MOSMO: variants seen among roughly 807,000 people sequenced by gnomAD.
MOSMO encodes modulator of smoothened protein.
A neutral mutation model predicts 18.4 loss-of-function variants in MOSMO; 5 were observed. The ratio of observed to expected loss-of-function variants is 0.27; its 90% CI spans 0.14 to 0.57. The LOEUF (loss-of-function observed/expected upper bound fraction) is 0.57. Among genes scored for constraint, MOSMO ranks in the 20% least tolerant of loss-of-function variants. MOSMO has a pLI of 0.92. For missense variants in MOSMO, 138 were observed against 211.8 expected (o/e 0.65, Z 2.16); for synonymous variants, 82 against 82.3 (o/e 1.00, Z 0.02).
intron 1 of MOSMO, among the ~76,000 whole-genome samples, chr16:22,049,094 T>C (rs1384713119): frequency 2.6e-5 from 4 of 152,254 alleles, no homozygotes; most frequent in Admixed American, 2.6e-4. Context: ...TATAGAAATT[T>C]ATGTTTTTAC....
intron 1 of MOSMO, among the ~76,000 whole-genome samples, chr16:22,032,303 C>T (rs1900011945): frequency 6.6e-6 from 1 of 150,668 alleles, no homozygotes; most frequent in Non-Finnish European, 1.5e-5. Context: ...GATTCTTGTG[C>T]TTTAAGCCTC....
At chr16:22,090,796 A>G (rs1901294404), downstream of MOSMO, among the ~76,000 whole-genome samples, 1 of 152,150 alleles carries the variant, frequency 6.6e-6, no homozygotes, top group Non-Finnish European at 1.5e-5. Context: ...GCCAAGAAAG[A>G]TGGTACCCAC....
chr16:22,080,640 G>C, intron 2 of MOSMO, 56 bp from the exon 3 acceptor site: 1 of 1,214,094 alleles, frequency 8.2e-7, no homozygotes, highest in African/African-American at 1.7e-5. Context: ...AATTTTCATT[G>C]TTTTTTGAAA....
At chr16:22,064,318 ACT>A (rs1464891676) in intron 1 of MOSMO, 1 of 456,262 alleles carries the variant, frequency 2.2e-6, no homozygotes, top group East Asian at 6.9e-5. Context: ...ACCAAATTTA[ACT>A]TTCATTCTCT....
chr16:22,025,660 G>T (rs1484685569), intron 1 of MOSMO, among the ~76,000 whole-genome samples: 4 of 152,182 alleles, frequency 2.6e-5, no homozygotes, highest in Non-Finnish European at 5.9e-5. Context: ...CTCTCTTAAT[G>T]ATGGGATATA....
intron 1 of MOSMO, among the ~76,000 whole-genome samples, chr16:22,059,900 G>A (rs532937308): frequency 6.6e-6 from 1 of 152,316 alleles, no homozygotes; most frequent in Non-Finnish European, 1.5e-5. Context: ...AAATTGGCCA[G>A]GTATGGTGGC....
intron 1 of MOSMO, among the ~76,000 whole-genome samples, chr16:22,049,940 C>T (rs931593929): frequency 5.3e-5 from 8 of 152,144 alleles, no homozygotes; most frequent in Non-Finnish European, 1.5e-5. Flanking sequence ...GTATCTATTC[C>T]TGCACCATTA....
At chr16:22,072,678 C>T (rs1900880163) in intron 1 of MOSMO, among the ~76,000 whole-genome samples, 1 of 151,928 alleles carries the variant, frequency 6.6e-6, no homozygotes, top group Non-Finnish European at 1.5e-5. Context: ...CGGGCGTAGT[C>T]GTGGGCGCCT....
rs557246895 is a variant in MOSMO at position 22,032,655 on chromosome 16, T to C, written c.106+24248T>C. Among the ~76,000 whole-genome samples the C allele has an allele frequency of 1.4e-4, 21 of 152,302 alleles. No homozygotes were observed. In the South Asian group the frequency reaches 4.1e-3, roughly 30 times the overall value. On this transcript the variant is annotated intron_variant, in intron 1 of 2. Coordinates refer to ENST00000542527, the MANE Select transcript of MOSMO (RefSeq NM_001164579.2). ...TCGAATTCCTGGGCTCAAGGTATCC[T>C]GCTACCTCAGCCTCCCAAGTAGCTG...
rs1465139954 is a variant in MOSMO at position 22,080,926 on chromosome 16, A to AT, written c.*53dup. On this transcript the variant is annotated 3_prime_UTR_variant, in exon 3 of 3. Coordinates refer to ENST00000542527, the MANE Select transcript of MOSMO (RefSeq NM_001164579.2). ...CTCTTATTATTTTTTATTTTATTTT[A>AT]TTTTTTTATTTTTGGAGGGTGGAGA... 14 of 995,314 alleles carry AT rather than the reference A, an allele frequency of 1.4e-5. No individual in the cohort carries two copies. In the Admixed American group the frequency reaches 2.4e-4, roughly 17 times the overall value. The allele number at this position is 995,314 out of a possible 1,614,324, so 61.7% of individuals were successfully genotyped here.
At chr16:22,019,576 G>A (rs1447593767) in intron 1 of MOSMO, among the ~76,000 whole-genome samples, 1 of 152,060 alleles carries the variant, frequency 6.6e-6, no homozygotes, top group Non-Finnish European at 1.5e-5. Flanking sequence ...TTGAGAGCAG[G>A]GAATATGATT....
chr16:22,067,292 G>A (rs1031457228), intron 1 of MOSMO, among the ~76,000 whole-genome samples: 6 of 151,554 alleles, frequency 4.0e-5, no homozygotes, highest in East Asian at 1.9e-4. Flanking sequence ...AAAAAGGAGC[G>A]GAAAGAATGT....
chr16:22,043,948 A>T (rs1900258169), intron 1 of MOSMO, among the ~76,000 whole-genome samples: 1 of 152,230 alleles, frequency 6.6e-6, no homozygotes, highest in South Asian at 2.1e-4. Flanking sequence ...GAGGCCTCAC[A>T]ATCATGGCAG....
intron 1 of MOSMO, among the ~76,000 whole-genome samples, chr16:22,056,372 T>C (rs1476842044): frequency 1.5e-5 from 2 of 132,734 alleles, no homozygotes; most frequent in African/African-American, 5.6e-5. Flanking sequence ...TTTCTTTTTT[T>C]TTTTTTTTTT....
intron 1 of MOSMO, among the ~76,000 whole-genome samples, chr16:22,012,739 G>GAA (rs5816166): frequency 1.6e-4 from 11 of 67,142 alleles, no homozygotes; most frequent in East Asian, 4.3e-4. Context: ...AGAAGGAATA[G>GAA]AAAAAAAAAA....
chr16:22,009,702 T>C (rs1257220472), intron 1 of MOSMO, among the ~76,000 whole-genome samples: 1 of 145,720 alleles, frequency 6.9e-6, no homozygotes, highest in Non-Finnish European at 1.5e-5. Flanking sequence ...GGCTCACGCC[T>C]GTAATCCCAG....
At chr16:22,020,863 T>C (rs144370922) in intron 1 of MOSMO, among the ~76,000 whole-genome samples, 83 of 152,388 alleles carry the variant, frequency 5.4e-4, no homozygotes, top group East Asian at 9.6e-4. Flanking sequence ...CTATGTGATA[T>C]AGTTGTTCAC....
rs1390940475 is a variant in MOSMO, at chr16:22,008,378, C to T, written c.77C>T (p.Pro26Leu). The change falls in exon 1 of 3, where the codon CCG (proline) becomes CTG (leucine). Residue 26 changes from proline (P) to leucine (L), a missense_variant. Pro to Leu is a moderately conservative substitution (Grantham distance 98). Transcript: ENST00000542527. The stretch of plus-strand genomic sequence containing the variant: ...TTCGCCATCGCCAGCATCGCCAACC[C>T]GGACTGGATCAACACCGGGGAGTCT... ...DIFAIASIANPDWINTGESAG... is the reference protein window; with the variant it reads ...DIFAIASIANLDWINTGESAG... 5 of 1,533,746 alleles carry T rather than the reference C, an allele frequency of 3.3e-6. No individual in the cohort carries two copies. Among genetic ancestry groups the T allele is most frequent in the African/African-American group, 1.4e-5 (1 of 72,838 alleles).
chr16:22,050,957 A>G (rs1900413330), intron 1 of MOSMO, among the ~76,000 whole-genome samples: 1 of 151,966 alleles, frequency 6.6e-6, no homozygotes, highest in South Asian at 2.1e-4. Flanking sequence ...TCAAACTGAG[A>G]GTTCATTTTT....
Sources: allele counts gnomAD v4.1 joint callset (sites outside exome capture counted in the v4.1 genomes callset), GRCh38; gene constraint gnomAD v4.1.1; transcripts MANE v1.5; gene names NCBI Gene and HGNC (gene_info 2026-07-23, HGNC 2026-07-21).